Variants in VWA5A observed in about 807,000 individuals in gnomAD.
The protein encoded by VWA5A is von Willebrand factor A domain-containing protein 5A.
In VWA5A, 77 loss-of-function variants were observed where a neutral mutation model predicts 84.6. The ratio of observed to expected loss-of-function variants is 0.91; its 90% CI spans 0.76 to 1.10. VWA5A has a LOEUF of 1.10. Ranked by LOEUF, VWA5A falls within the 50% of genes least tolerant of loss-of-function variation. The probability of loss-of-function intolerance (pLI) is 0.00; values close to 1 mark genes in which losing one functional copy is unlikely to be tolerated. For synonymous variants in VWA5A, 334 were observed against 350.1 expected (o/e 0.95, Z 0.51); for missense variants, 973 against 963.0 (o/e 1.01, Z -0.14).
rs144661173 is a variant in VWA5A, at chr11:124,142,669, T to G, written c.2154+97T>G. The G allele has an allele frequency of 8.8e-4, 1,291 of 1,474,576 alleles. 9 individuals are homozygous for G. The African/African-American group carries it at 0.016, about 19-fold the overall frequency. 91.3% of individuals were successfully genotyped at this position (1,474,576 alleles called of 1,614,324 possible). ...AGGACCTACCTGAGGAAGGAAAATA[T>G]AGGGGGTCATAGACTAAATTAATTT... On this transcript the variant is annotated intron_variant, in intron 17 of 18. Coordinates refer to ENST00000456829, the MANE Select transcript of VWA5A (RefSeq NM_001130142.2).
Position 124,146,279 on chromosome 11 carries a change from G to A in VWA5A, c.*334G>A, listed in dbSNP as rs138130694. The A allele has an allele frequency of 4.9e-4, 106 of 217,734 alleles. No homozygotes were observed. The highest frequency in any genetic ancestry group is 2.4e-3 in the African/African-American group (101 of 42,752). The allele number at this position is 217,734 out of a possible 1,614,324, so 13.5% of individuals were successfully genotyped here. Reference sequence around the variant, plus strand: ...TGACATGAACTACAGACTAAAGATTGCAGCATTTATGTTAGAGAATGCTTG... The same window carrying A: ...TGACATGAACTACAGACTAAAGATTACAGCATTTATGTTAGAGAATGCTTG... On this transcript the variant is annotated 3_prime_UTR_variant, in exon 19 of 19. Coordinates refer to ENST00000456829, the MANE Select transcript of VWA5A (RefSeq NM_001130142.2).
intron 11 of VWA5A, among the ~76,000 whole-genome samples, chr11:124,129,419 C>T (rs1012671715): frequency 3.9e-5 from 6 of 152,042 alleles, no homozygotes; most frequent in South Asian, 4.1e-4. Context: ...ATGTTCATCA[C>T]GGATATTGGC....
intron 18 of VWA5A, 68 bp from the exon 19 acceptor site, chr11:124,145,798 T>A: frequency 2.0e-6 from 3 of 1,468,314 alleles, no homozygotes; most frequent in Non-Finnish European, 2.8e-6. Context: ...GGGTAGATGA[T>A]CTGGGAGGTT....
At chr11:124,131,208 T>C (rs1865092168) in intron 11 of VWA5A, among the ~76,000 whole-genome samples, 1 of 152,118 alleles carries the variant, frequency 6.6e-6, no homozygotes, top group East Asian at 1.9e-4. Flanking sequence ...TTATAAATTA[T>C]AAATATCTAT....
At position 124,138,082 on chromosome 11, in the gene VWA5A, G is replaced by T. The variant is rs143902660; in HGVS notation, c.1879+814G>T. 2.5e-3 allele frequency among the ~76,000 whole-genome samples: 383 copies of T among 152,182 alleles called. 2 individuals are homozygous for T. The highest frequency in any genetic ancestry group is 8.6e-3 in the African/African-American group (358 of 41,518). On this transcript the variant is annotated intron_variant, in intron 15 of 18. Coordinates refer to ENST00000456829, the MANE Select transcript of VWA5A (RefSeq NM_001130142.2). ...TGCCATTTTATCCAGGCTGTGGCTG[G>T]CTTATTTCACTTGACATAATGTTCT... is the stretch of plus-strand genomic sequence containing the variant.
rs1411748210 is a variant in VWA5A at position 124,137,217 on chromosome 11, A to G, written c.1828A>G (p.Arg610Gly). Reference sequence around the variant, plus strand: ...GCCTCTGGCTCATAGGGACGTCCCAAGGCCAATTCTGTTGGGTGCTTCTGC... The same window carrying G: ...GCCTCTGGCTCATAGGGACGTCCCAGGGCCAATTCTGTTGGGTGCTTCTGC... ...QGPLAHRDVP[R>G]PILLGASAPL... The change falls in exon 15 of 19, where the codon AGG (arginine) becomes GGG (glycine). Residue 610 changes from arginine to glycine, a missense_variant. Coordinates refer to ENST00000456829, the MANE Select transcript of VWA5A (RefSeq NM_001130142.2). 1 of 1,614,194 alleles carries G rather than the reference A, an allele frequency of 6.2e-7. No individual in the cohort carries two copies. The highest frequency in any genetic ancestry group is 8.5e-7 in the Non-Finnish European group (1 of 1,180,042).
chr11:124,138,582 G>A (rs1229741192), intron 15 of VWA5A, among the ~76,000 whole-genome samples: 1 of 152,130 alleles, frequency 6.6e-6, no homozygotes, highest in East Asian at 1.9e-4. Context: ...CCATTTGTAT[G>A]TCTTCTTTTG....
At chr11:124,123,934 G>GAA in intron 10 of VWA5A, 130 bp downstream of exon 10, 58 of 1,122,494 alleles carry the variant, frequency 5.2e-5, no homozygotes, top group Non-Finnish European at 6.0e-5. Context: ...ATAGTAAACA[G>GAA]AAAAAAAAAA....
At chr11:124,139,007 C>T (rs1248670238) in intron 15 of VWA5A, among the ~76,000 whole-genome samples, 1 of 152,164 alleles carries the variant, frequency 6.6e-6, no homozygotes, top group East Asian at 1.9e-4. Context: ...ATCCAGTTTT[C>T]CCAATGCCAT....
At chr11:124,118,150 G>A (rs1436426114) in intron 4 of VWA5A, 39 bp from the exon 5 acceptor site, 1 of 1,595,808 alleles carries the variant, frequency 6.3e-7, no homozygotes, top group South Asian at 1.1e-5. Context: ...CACCTTGGAT[G>A]TTCCCTTTCT....
At chr11:124,140,246 A>G (rs547226971) in intron 15 of VWA5A, among the ~76,000 whole-genome samples, 1 of 152,164 alleles carries the variant, frequency 6.6e-6, no homozygotes, top group South Asian at 2.1e-4. Context: ...CTGTAACTTT[A>G]CTTTTGTTGT....
At chr11:124,143,698 CAT>C (rs1466072665) in intron 17 of VWA5A, among the ~76,000 whole-genome samples, 2 of 152,126 alleles carry the variant, frequency 1.3e-5, no homozygotes, top group Non-Finnish European at 1.5e-5. Flanking sequence ...TTTAAAATTA[CAT>C]ATGTTTCTAG....
At position 124,134,990 on chromosome 11, in the gene VWA5A, G is replaced by A. The variant is rs760159439; in HGVS notation, c.1315G>A (p.Gly439Ser). 6 of 1,613,420 alleles carry A rather than the reference G, an allele frequency of 3.7e-6. No homozygotes were observed. The highest frequency in any genetic ancestry group is 3.3e-5 in the South Asian group (3 of 90,882). The change falls in exon 12 of 19, where the codon GGC becomes AGC. Residue 439 changes from glycine to serine, a missense_variant. Gly to Ser is a moderately conservative substitution (Grantham distance 56, BLOSUM62 0). Coordinates refer to ENST00000456829, the MANE Select transcript of VWA5A (RefSeq NM_001130142.2). Reference sequence around the variant, plus strand: ...AAAAGGTATTGCCCGGGCATCAGGGGGCACCTCAGAATTTATCACAGGCAA... The same window carrying A: ...AAAAGGTATTGCCCGGGCATCAGGGAGCACCTCAGAATTTATCACAGGCAA... Reference protein sequence around the residue: ...LIKGIARASGGTSEFITGKDR... With the variant: ...LIKGIARASGSTSEFITGKDR...
At chr11:124,143,471 G>A (rs554831571) in intron 17 of VWA5A, among the ~76,000 whole-genome samples, 1 of 152,262 alleles carries the variant, frequency 6.6e-6, no homozygotes, top group South Asian at 2.1e-4. Flanking sequence ...TAATACAAAT[G>A]AGGAACTGAA....
chr11:124,137,802 T>C (rs1024009270), intron 15 of VWA5A, among the ~76,000 whole-genome samples: 2 of 152,228 alleles, frequency 1.3e-5, no homozygotes, highest in Admixed American at 6.5e-5. Flanking sequence ...ATCACTTACC[T>C]ACTTTCTATC....
chr11:124,136,939 A>C, intron 14 of VWA5A, 76 bp from the exon 15 acceptor site: 2 of 1,532,698 alleles, frequency 1.3e-6, no homozygotes, highest in Non-Finnish European at 1.7e-6. Flanking sequence ...TCTATTCCTA[A>C]CTTTTAGGAG....
intron 10 of VWA5A, 66 bp from the exon 11 acceptor site, chr11:124,124,171 G>A: frequency 1.3e-6 from 2 of 1,505,924 alleles, no homozygotes; most frequent in Non-Finnish European, 1.8e-6. Context: ...ATTTTTCAAG[G>A]GCAAATTCTG....
intron 15 of VWA5A, among the ~76,000 whole-genome samples, chr11:124,140,302 A>G (rs143420368): frequency 6.6e-6 from 1 of 152,114 alleles, no homozygotes; most frequent in Non-Finnish European, 1.5e-5. Context: ...GCTTGTTTTT[A>G]GGGTAACACT....
rs1157911332 is a variant in VWA5A, at chr11:124,147,019, A to G, written c.*1074A>G. 6.0e-6 allele frequency: 1 copy of G among 166,776 alleles called. No homozygotes were observed. The highest frequency in any genetic ancestry group is 1.9e-4 in the East Asian group (1 of 5,196). 10.3% of individuals were successfully genotyped at this position (166,776 alleles called of 1,614,324 possible). ...TAAATTGACCGGAACACAGTTGTGG[A>G]AATTTGACCTGAAGTTAGTGAAATA... On this transcript the variant is annotated 3_prime_UTR_variant, in exon 19 of 19. Transcript: ENST00000456829.
Sources: allele counts gnomAD v4.1 joint callset (sites outside exome capture counted in the v4.1 genomes callset), GRCh38; gene constraint gnomAD v4.1.1; transcripts MANE v1.5; gene names NCBI Gene and HGNC (gene_info 2026-07-23, HGNC 2026-07-21).